The following MAPK10 variants were observed in gnomAD, a reference collection of about 807,000 sequenced individuals.
The protein encoded by MAPK10 is mitogen-activated protein kinase 10.
MAPK10 carries 25 observed loss-of-function variants against 59.3 expected under a neutral mutation model. The observed-to-expected ratio is 0.42, with a 90% CI of 0.31 to 0.59. MAPK10 has a LOEUF of 0.59. MAPK10 is among the 20% of genes least tolerant of loss of function. The pLI, the probability that MAPK10 is intolerant of heterozygous loss-of-function variation, is 0.15. For synonymous variants in MAPK10, 190 were observed against 200.5 expected (o/e 0.95, Z 0.44); for missense variants, 351 against 568.9 (o/e 0.62, Z 3.90).
At chr4:86,041,721 G>T (rs2041567012) in intron 11 of MAPK10, among the ~76,000 whole-genome samples, 1 of 152,196 alleles carries the variant, frequency 6.6e-6, no homozygotes, top group Non-Finnish European at 1.5e-5. Flanking sequence ...GTGAAAAAAA[G>T]CTCATCATCA....
chr4:86,419,067 G>A (rs532125587), intron 1 of MAPK10, among the ~76,000 whole-genome samples: 2 of 152,214 alleles, frequency 1.3e-5, no homozygotes, highest in East Asian at 1.9e-4. Flanking sequence ...CACTGCTCGG[G>A]TGCAACAAAA....
At chr4:86,432,708 C>G (rs1579200152) in intron 1 of MAPK10, among the ~76,000 whole-genome samples, 1 of 152,188 alleles carries the variant, frequency 6.6e-6, no homozygotes, top group African/African-American at 2.4e-5. Context: ...TGTTACAGAA[C>G]TGCACTCACT....
In MAPK10 at chr4:86,130,411, TAAGA is replaced by T. The variant is rs991041757; in HGVS notation, c.237-23063_237-23060del. On this transcript the variant is annotated intron_variant, in intron 4 of 13. Coordinates refer to ENST00000641462, the MANE Select transcript of MAPK10 (RefSeq NM_138982.4). ...AAGAACTATACCATATTGAGGAATA[TAAGA>T]TAGATTCAAACTAAACAAATAATTA... is the stretch of plus-strand genomic sequence containing the variant. Among the ~76,000 whole-genome samples, 8 of 152,142 alleles carry T rather than the reference TAAGA, an allele frequency of 5.3e-5. No individual in the cohort carries two copies. The East Asian group carries it at 1.4e-3, about 26-fold the overall frequency.
chr4:86,278,685 CA>C, intron 2 of MAPK10, among the ~76,000 whole-genome samples: 1 of 152,170 alleles, frequency 6.6e-6, no homozygotes, highest in Non-Finnish European at 1.5e-5. Flanking sequence ...ACTGAGTGAT[CA>C]ATGTTAACAT....
At chr4:86,119,787 C>T (rs72662053) in intron 4 of MAPK10, 11,008 of 152,136 alleles carry the variant, frequency 0.072, 595 homozygotes, top group Non-Finnish European at 0.11. Flanking sequence ...AGCTGCCTAA[C>T]CTAGCCTACA....
chr4:86,180,441 C>G (rs1055474777), intron 3 of MAPK10, among the ~76,000 whole-genome samples: 1 of 147,246 alleles, frequency 6.8e-6, no homozygotes, highest in Non-Finnish European at 1.5e-5. Flanking sequence ...CAAAAAACTA[C>G]AGATAGAACT....
chr4:86,445,355 T>A (rs934254718), intron 1 of MAPK10, among the ~76,000 whole-genome samples: 1 of 152,052 alleles, frequency 6.6e-6, no homozygotes, highest in Non-Finnish European at 1.5e-5. Context: ...CACTTATAAG[T>A]GTGAGCTAAA....
chr4:86,433,333 G>A (rs181548320), intron 1 of MAPK10, among the ~76,000 whole-genome samples: 20 of 152,004 alleles, frequency 1.3e-4, no homozygotes, highest in Middle Eastern at 3.2e-3. Context: ...AGGCCCTCCA[G>A]GACCCCCAGC....
At chr4:86,261,248 T>C (rs2093968979) in intron 2 of MAPK10, among the ~76,000 whole-genome samples, 1 of 152,230 alleles carries the variant, frequency 6.6e-6, no homozygotes, top group South Asian at 2.1e-4. Context: ...ACGTAATTGT[T>C]GACCACCTCT....
chr4:86,379,845 CCT>C (rs1740415163), intron 1 of MAPK10, among the ~76,000 whole-genome samples: 1 of 152,184 alleles, frequency 6.6e-6, no homozygotes, highest in South Asian at 2.1e-4. Flanking sequence ...CCACTCCACA[CCT>C]CTATATTTTT....
intron 2 of MAPK10, among the ~76,000 whole-genome samples, chr4:86,304,474 G>C (rs1401396299): frequency 1.4e-5 from 2 of 142,928 alleles, no homozygotes. Context: ...CTCACTGCAA[G>C]CTCCACCTCC....
intron 1 of MAPK10, among the ~76,000 whole-genome samples, chr4:86,373,204 A>G (rs1322022455): frequency 1.3e-5 from 2 of 152,248 alleles, no homozygotes; most frequent in African/African-American, 2.4e-5. Flanking sequence ...CTGGCTAGCC[A>G]TATGCAGAAA....
chr4:86,389,042 T>TC (rs1428627467), intron 1 of MAPK10, among the ~76,000 whole-genome samples: 10 of 152,328 alleles, frequency 6.6e-5, no homozygotes, highest in African/African-American at 2.4e-4. Context: ...CGAATGATAA[T>TC]CCCCAGTGTT....
At chr4:86,316,570 AAT>A (rs2095792527) in intron 2 of MAPK10, among the ~76,000 whole-genome samples, 1 of 152,196 alleles carries the variant, frequency 6.6e-6, no homozygotes, top group African/African-American at 2.4e-5. Flanking sequence ...CATACAGGTG[AAT>A]TTGCAATTAT....
At chr4:86,565,391 T>C (rs1760987843) in intron 1 of MAPK10, among the ~76,000 whole-genome samples, 4 of 152,182 alleles carry the variant, frequency 2.6e-5, no homozygotes, top group Non-Finnish European at 4.4e-5. Flanking sequence ...AGAATATTAA[T>C]AAAATATCTT....
At chr4:86,354,121 T>C (rs1733183770) in intron 2 of MAPK10, among the ~76,000 whole-genome samples, 2 of 152,134 alleles carry the variant, frequency 1.3e-5, no homozygotes, top group Non-Finnish European at 1.5e-5. Flanking sequence ...TGTGTGTGTG[T>C]GTTCCTGAAA....
At chr4:86,084,200 C>T (rs1264537933) in intron 9 of MAPK10, among the ~76,000 whole-genome samples, 1 of 152,130 alleles carries the variant, frequency 6.6e-6, no homozygotes, top group Non-Finnish European at 1.5e-5. Flanking sequence ...ACCTTAGGTA[C>T]CAGCTTGGCC....
At chr4:86,118,573 TACACATAC>T (rs1561928242) in intron 4 of MAPK10, among the ~76,000 whole-genome samples, 3 of 86,840 alleles carry the variant, frequency 3.5e-5, no homozygotes, top group African/African-American at 1.2e-4. Context: ...TTTATATAAA[TACACATAC>T]ACACACACAC....
At chr4:86,280,458 G>A (rs893821716) in intron 2 of MAPK10, among the ~76,000 whole-genome samples, 1 of 152,130 alleles carries the variant, frequency 6.6e-6, no homozygotes, top group African/African-American at 2.4e-5. Context: ...AATAACAGAT[G>A]CTGGCAAGGC....
Sources: gnomAD v4.1 joint callset for allele counts (sites outside exome capture counted in the v4.1 genomes callset) on GRCh38, gnomAD v4.1.1 for gene constraint, MANE v1.5 for transcripts, NCBI Gene and HGNC (gene_info 2026-07-23, HGNC 2026-07-21) for gene names.